ZNF559: variants seen among roughly 807,000 people sequenced by gnomAD.
The protein encoded by ZNF559 is putative protein product of Nbla00121.
In ZNF559, 17 loss-of-function variants were observed where a neutral mutation model predicts 14.2. The ratio of observed to expected loss-of-function variants is 1.20; its 90% confidence interval spans 0.82 to 1.80. The LOEUF (loss-of-function observed/expected upper bound fraction) is 1.80, where lower values mean the gene tolerates loss of function less well. ZNF559 is among the 40% of genes most tolerant of loss of function. The pLI, the probability that ZNF559 is intolerant of heterozygous loss-of-function variation, is 0.00. For missense variants in ZNF559, 740 were observed against 629.7 expected (o/e 1.18, Z -1.88); for synonymous variants, 244 against 212.4 (o/e 1.15, Z -1.29).
Position 9,341,753 on chromosome 19 carries a change from G to A in ZNF559, c.302G>A (p.Ser101Asn), listed in dbSNP as rs1466482508. The change falls in exon 7 of 7, where the codon AGT (serine) becomes AAT (asparagine). Residue 101 changes from serine (S) to asparagine (N), a missense_variant. Coordinates refer to ENST00000603380, the MANE Select transcript of ZNF559 (RefSeq NM_032497.3). ...FDFNQCEKALSEHSCLKTHRR... is the reference protein window; with the variant it reads ...FDFNQCEKALNEHSCLKTHRR... ...TTTAACCAATGTGAAAAAGCCTTGA[G>A]TGAACACTCATGCCTTAAGACTCAC... 1.2e-6 allele frequency: 2 copies of A among 1,600,054 alleles called. No homozygotes were observed. Among genetic ancestry groups the A allele is most frequent in the African/African-American group, 1.4e-5 (1 of 73,670 alleles).
At chr19:9,339,934 A>ATTTTTTTTTTTTTT (rs545536064) in intron 5 of ZNF559, among the ~76,000 whole-genome samples, 7 of 86,410 alleles carry the variant, frequency 8.1e-5, no homozygotes, top group Non-Finnish European at 1.1e-4. Flanking sequence ...ACGCCTGGCT[A>ATTTTTTTTTTTTTT]TTTTTTTTTT....
chr19:9,344,775 G>A lies in ZNF559; in HGVS notation c.*1707G>A, dbSNP rs1323750330. The A allele has an allele frequency of 1.3e-5, 2 of 152,212 alleles. No homozygotes were observed. Among genetic ancestry groups the A allele is most frequent in the East Asian group, 1.9e-4 (1 of 5,198 alleles). 9.4% of individuals were successfully genotyped at this position (152,212 alleles called of 1,614,324 possible). On this transcript the variant is annotated 3_prime_UTR_variant, in exon 7 of 7. Transcript: ENST00000603380. Reference sequence around the variant, plus strand: ...CATATGCTTATGAGTCTTTGGTGAAGTGTACATTTAATGATCTTTTTTCAC... The same window carrying A: ...CATATGCTTATGAGTCTTTGGTGAAATGTACATTTAATGATCTTTTTTCAC...
chr19:9,336,237 GGAT>G (rs1308349896), intron 2 of ZNF559, among the ~76,000 whole-genome samples: 1 of 152,056 alleles, frequency 6.6e-6, no homozygotes, highest in African/African-American at 2.4e-5. Context: ...GGGAGGTGGA[GGAT>G]GATATTACTT....
intron 2 of ZNF559, among the ~76,000 whole-genome samples, chr19:9,335,308 T>C (rs755573330): frequency 6.6e-6 from 1 of 151,642 alleles, no homozygotes; most frequent in Non-Finnish European, 1.5e-5. Context: ...GCCAAAAAAA[T>C]TTTTAATTGG....
intron 2 of ZNF559, 126 bp downstream of exon 2, chr19:9,324,906 A>G (rs944067236): frequency 4.0e-6 from 3 of 746,742 alleles, no homozygotes; most frequent in Admixed American, 2.4e-5. Flanking sequence ...CATCGAATGC[A>G]TGAGTGGATG....
At chr19:9,326,130 T>G (rs1233379136) in intron 2 of ZNF559, among the ~76,000 whole-genome samples, 1 of 139,190 alleles carries the variant, frequency 7.2e-6, no homozygotes, top group Non-Finnish European at 1.5e-5. Flanking sequence ...TTTTTTTTTT[T>G]TGAGACGGAG....
intron 2 of ZNF559, among the ~76,000 whole-genome samples, chr19:9,334,858 G>A (rs1032529927): frequency 6.6e-6 from 1 of 152,158 alleles, no homozygotes; most frequent in Admixed American, 6.5e-5. Context: ...GTCATGGCCA[G>A]GCGGGGTGGC....
chr19:9,342,254 C>T lies in ZNF559; in HGVS notation c.803C>T (p.Pro268Leu). 1 of 1,585,004 alleles carries T rather than the reference C, an allele frequency of 6.3e-7. No individual in the cohort carries two copies. Among genetic ancestry groups the T allele is most frequent in the Non-Finnish European group, 8.5e-7 (1 of 1,170,016 alleles). ...TTAAGAACTCATAGTAGAGTGTTAC[C>T]TATAGAACATAAGAAATTTGGCAAA... The part of the protein sequence containing the change: ...QHLRTHSRVL[P>L]IEHKKFGKAF... Residue 268 changes from proline (P) to leucine (L), a missense_variant, in exon 7 of 7, where the codon CCT becomes CTT. Pro to Leu is a moderately conservative substitution (Grantham distance 98). Transcript: ENST00000603380.
At chr19:9,324,618 A>T (rs1170018850) in intron 1 of ZNF559, 77 bp from the exon 2 acceptor site, 21 of 711,494 alleles carry the variant, frequency 3.0e-5, no homozygotes, top group Non-Finnish European at 4.0e-5. Flanking sequence ...ACATAGGGAG[A>T]CCCCCCCCCC....
Position 9,340,832 on chromosome 19 carries a change from A to G in ZNF559, c.161-270A>G, listed in dbSNP as rs188242919. 2.9e-3 allele frequency among the ~76,000 whole-genome samples: 442 copies of G among 150,424 alleles called. 1 individual carries two copies. The highest frequency in any genetic ancestry group is 0.01 in the African/African-American group (411 of 40,716). On this transcript the variant is annotated intron_variant, in intron 5 of 6. Coordinates refer to ENST00000603380, the MANE Select transcript of ZNF559 (RefSeq NM_032497.3). Reference sequence around the variant, plus strand: ...GTGATCCACCTGTCTTGGCCTCCCAAAGTGCTGGGATTACAGGTGTGAGCC... The same window carrying G: ...GTGATCCACCTGTCTTGGCCTCCCAGAGTGCTGGGATTACAGGTGTGAGCC...
intron 2 of ZNF559, among the ~76,000 whole-genome samples, chr19:9,326,956 C>A (rs925458404): frequency 1.3e-5 from 2 of 152,082 alleles, no homozygotes; most frequent in Non-Finnish European, 1.5e-5. Context: ...ATTAAGAATT[C>A]ATTTCCTCAG....
chr19:9,340,598 T>C (rs1461991258), intron 5 of ZNF559, among the ~76,000 whole-genome samples: 2 of 142,596 alleles, frequency 1.4e-5, no homozygotes, highest in African/African-American at 5.7e-5. Flanking sequence ...AAAAGAGTCT[T>C]GCTCTATCGC....
Position 9,345,401 on chromosome 19 carries a change from T to G in ZNF559, c.*2333T>G, listed in dbSNP as rs1193663241. On this transcript the variant is annotated 3_prime_UTR_variant, in exon 7 of 7. Transcript: ENST00000603380. ...AACCTTTCTCAAGTAGTTATGCCAT[T>G]TGACATTTCCATGAGCAGTATATAA... 6.6e-6 allele frequency: 1 copy of G among 152,226 alleles called. No individual in the cohort carries two copies. The highest frequency in any genetic ancestry group is 1.5e-5 in the Non-Finnish European group (1 of 68,034). The allele number at this position is 152,226 out of a possible 1,614,324, so 9.4% of individuals were successfully genotyped here.
At position 9,342,001 on chromosome 19, in the gene ZNF559, C is replaced by A. The variant is rs2067607161; in HGVS notation, c.550C>A (p.Pro184Thr). The A allele has an allele frequency of 6.2e-7, 1 of 1,611,964 alleles. No homozygotes were observed. Among genetic ancestry groups the A allele is most frequent in the Non-Finnish European group, 8.5e-7 (1 of 1,179,428 alleles). The change falls in exon 7 of 7, where the codon CCA (proline) becomes ACA (threonine). Residue 184 changes from proline to threonine, a missense_variant. Physicochemically the swap from Pro to Thr is conservative, Grantham distance 38. Transcript: ENST00000603380. ...VCKKTHTQEK[P>T]YKCSDCEKGL... Reference sequence around the variant, plus strand: ...CAAGAAAACTCACACTCAAGAGAAACCATATAAATGCAGTGACTGTGAAAA... The same window carrying A: ...CAAGAAAACTCACACTCAAGAGAAAACATATAAATGCAGTGACTGTGAAAA...
At chr19:9,329,976 A>C (rs1185388045) in intron 2 of ZNF559, 1 of 152,152 alleles carries the variant, frequency 6.6e-6, no homozygotes, top group Admixed American at 6.6e-5. Context: ...TGTTTTAACC[A>C]TATTCAGCCA....
At chr19:9,338,108 C>A in intron 3 of ZNF559, 1 of 1,198,852 alleles carries the variant, frequency 8.3e-7, no homozygotes, top group Non-Finnish European at 1.2e-6. Context: ...CTAAGTGGCC[C>A]TGCTTTTGAG....
In ZNF559 at chr19:9,339,299, A is replaced by C. The variant is rs749986545; in HGVS notation, c.140A>C (p.Tyr47Ser). 1 of 1,613,436 alleles carries C rather than the reference A, an allele frequency of 6.2e-7. No homozygotes were observed. The highest frequency in any genetic ancestry group is 1.1e-5 in the South Asian group (1 of 91,018). The change falls in exon 5 of 7, where the codon TAT becomes TCT. Residue 47 changes from tyrosine (Y) to serine (S), a missense_variant. By Grantham distance (144) the Tyr-to-Ser change is moderately radical (BLOSUM62 -2). Transcript: ENST00000603380. ...NLYRDVMLEN[Y>S]KNLVAVDWES... ...TACAGAGATGTGATGCTGGAGAACT[A>C]TAAGAATCTAGTTGCAGTAGGTAAG...
intron 2 of ZNF559, among the ~76,000 whole-genome samples, chr19:9,327,242 T>G (rs1030345745): frequency 6.6e-5 from 2 of 30,198 alleles, no homozygotes; most frequent in Non-Finnish European, 1.7e-4. Flanking sequence ...TTTTGTTTTG[T>G]TTTTTTTTGT....
At chr19:9,331,342 C>T (rs2066925787) in intron 2 of ZNF559, among the ~76,000 whole-genome samples, 1 of 152,138 alleles carries the variant, frequency 6.6e-6, no homozygotes, top group Non-Finnish European at 1.5e-5. Context: ...GCCTTGGCCT[C>T]CCCAAGTGCT....
Sources: gnomAD v4.1 joint callset for allele counts (sites outside exome capture counted in the v4.1 genomes callset) on GRCh38, gnomAD v4.1.1 for gene constraint, MANE v1.5 for transcripts, NCBI Gene and HGNC (gene_info 2026-07-23, HGNC 2026-07-21) for gene names.